The following TMEM245 variants were observed in gnomAD, a reference collection of about 807,000 sequenced individuals.
TMEM245 encodes transmembrane protein 245, also known as protein CG-2.
A neutral mutation model predicts 101.2 loss-of-function variants in TMEM245; 69 were observed. That is an observed-to-expected ratio of 0.68 (90% confidence interval 0.56 to 0.83). The LOEUF is 0.83. Among genes scored for constraint, TMEM245 ranks in the 40% least tolerant of loss-of-function variants. The pLI, the probability that TMEM245 is intolerant of heterozygous loss-of-function variation, is 0.00. For synonymous variants in TMEM245, 537 were observed against 449.8 expected, an observed-to-expected ratio of 1.19 and a Z score of -2.45; for missense variants, 1,075 against 1,092.8, an observed-to-expected ratio of 0.98 and a Z score of 0.23.
At chr9:109,067,573 G>A (rs1262144887) in intron 9 of TMEM245, among the ~76,000 whole-genome samples, 1 of 152,218 alleles carries the variant, frequency 6.6e-6, no homozygotes, top group Non-Finnish European at 1.5e-5. Flanking sequence ...GAAGGGATAA[G>A]TGCAACTGAG....
At chr9:109,025,699 G>T (rs1827772111) in intron 17 of TMEM245, among the ~76,000 whole-genome samples, 1 of 150,036 alleles carries the variant, frequency 6.7e-6, no homozygotes, top group South Asian at 2.1e-4. Flanking sequence ...TGATTATCCT[G>T]TCCAAAAATC....
Position 109,018,192 on chromosome 9 carries a change from A to C in TMEM245, c.*2268T>G, listed in dbSNP as rs368773555. On this transcript the variant is annotated 3_prime_UTR_variant, in exon 18 of 18. Coordinates refer to ENST00000374586, the MANE Select transcript of TMEM245 (RefSeq NM_032012.4). ...GTATATGTATAGTAACTCATTGTATATATTTGTCTCTTATGAATATGTGCT... is the reference window on the plus strand; with the variant it reads ...GTATATGTATAGTAACTCATTGTATCTATTTGTCTCTTATGAATATGTGCT... 6.6e-6 allele frequency: 1 copy of C among 152,246 alleles called. No individual in the cohort carries two copies. The highest frequency in any genetic ancestry group is 1.5e-5 in the Non-Finnish European group (1 of 68,046). The allele number at this position is 152,246 out of a possible 1,614,324, so 9.4% of individuals were successfully genotyped here.
rs116206826 is a variant in TMEM245 at position 109,086,294 on chromosome 9, T to C, written c.1321-274A>G. On this transcript the variant is annotated intron_variant, in intron 6 of 17. Transcript: ENST00000374586. ...ATACATAAAATAACCTGCATGCTCG[T>C]AGGCTTAGTGTCTCCATGCCTTTGC... is the stretch of plus-strand genomic sequence containing the variant. 5.6e-3 allele frequency among the ~76,000 whole-genome samples: 859 copies of C among 152,322 alleles called. 8 individuals carry two copies. The highest frequency in any genetic ancestry group is 0.019 in the African/African-American group (809 of 41,574).
rs1057100031 is a variant in TMEM245, at chr9:109,018,551, T to C, written c.*1909A>G. ...AGATCTGTATGCAGTCTACTCCATA[T>C]AGTCAAAAGATCTCATGGTAGCCTT... On this transcript the variant is annotated 3_prime_UTR_variant, in exon 18 of 18. Coordinates refer to ENST00000374586, the MANE Select transcript of TMEM245 (RefSeq NM_032012.4). The C allele has an allele frequency of 4.6e-5, 7 of 152,220 alleles. No individual in the cohort carries two copies. Among genetic ancestry groups the C allele is most frequent in the African/African-American group, 7.2e-5 (3 of 41,448 alleles). 9.4% of individuals were successfully genotyped at this position (152,220 alleles called of 1,614,324 possible).
At chr9:109,098,096 G>A (rs1317184875) in intron 3 of TMEM245, among the ~76,000 whole-genome samples, 1 of 152,164 alleles carries the variant, frequency 6.6e-6, no homozygotes, top group East Asian at 1.9e-4. Flanking sequence ...CTACTTTATA[G>A]TATAGCCATC....
intron 12 of TMEM245, among the ~76,000 whole-genome samples, chr9:109,051,988 T>C (rs985694188): frequency 3.3e-5 from 5 of 152,212 alleles, no homozygotes; most frequent in Non-Finnish European, 7.3e-5. Flanking sequence ...TATTGACGTC[T>C]ACTGAGTTCA....
intron 17 of TMEM245, among the ~76,000 whole-genome samples, chr9:109,025,206 C>T (rs140868398): frequency 1.4e-3 from 217 of 152,196 alleles, no homozygotes; most frequent in Non-Finnish European, 2.2e-3. Flanking sequence ...TCTGCAGAAG[C>T]GGGGATGGTT....
Position 109,050,561 on chromosome 9 carries a change from T to A in TMEM245, c.1977+9A>T, listed in dbSNP as rs779132338. ...GAAATATGACGTGTACTTATCTATGTGGACGTACCAGAGAGAGTACAAAAT... is the reference window on the plus strand; with the variant it reads ...GAAATATGACGTGTACTTATCTATGAGGACGTACCAGAGAGAGTACAAAAT... On this transcript the variant is annotated intron_variant, in intron 13 of 17. Transcript: ENST00000374586. The A allele has an allele frequency of 6.2e-7, 1 of 1,613,946 alleles. No homozygotes were observed.
At position 109,119,623 on chromosome 9, in the gene TMEM245, G is replaced by A. The variant is rs758831538; in HGVS notation, c.291C>T (p.Phe97=). The A allele has an allele frequency of 6.4e-7, 1 of 1,562,072 alleles. No homozygotes were observed. Among genetic ancestry groups the A allele is most frequent in the East Asian group, 2.4e-5 (1 of 42,056 alleles). ...GGCCCAGGCGCGTCAGCGAGCTCTT[G>A]AAGGGGTGCAGAAAAGTGCCGCATA... The part of the protein sequence containing the change: ...AVLCGTFLHP[F]KSSLTRLGRH... Residue 97 remains phenylalanine, a synonymous_variant, in exon 1 of 18, where the codon TTC becomes TTT. Transcript: ENST00000374586.
chr9:109,047,418 C>A (rs374854631), intron 14 of TMEM245, among the ~76,000 whole-genome samples: 1 of 152,148 alleles, frequency 6.6e-6, no homozygotes, highest in Non-Finnish European at 1.5e-5. Context: ...CTAAATGCCA[C>A]CCTCTTATGT....
At position 109,061,523 on chromosome 9, in the gene TMEM245, G is replaced by A. The variant is rs906085765; in HGVS notation, c.1624-1071C>T. Among the ~76,000 whole-genome samples the A allele has an allele frequency of 4.0e-5, 6 of 151,720 alleles. No individual in the cohort carries two copies. In the South Asian group the frequency reaches 6.2e-4, roughly 16 times the overall value. On this transcript the variant is annotated intron_variant, in intron 10 of 17. Coordinates refer to ENST00000374586, the MANE Select transcript of TMEM245 (RefSeq NM_032012.4). Reference sequence around the variant, plus strand: ...TAATACTTTTATATTAATTCATTACGTTCTGGTATTAGCTGATCATTACCC... The same window carrying A: ...TAATACTTTTATATTAATTCATTACATTCTGGTATTAGCTGATCATTACCC...
intron 3 of TMEM245, among the ~76,000 whole-genome samples, chr9:109,097,439 C>A (rs1830171197): frequency 6.6e-6 from 1 of 152,092 alleles, no homozygotes; most frequent in African/African-American, 2.4e-5. Flanking sequence ...GAGGAAGCAG[C>A]ACAATTCAGT....
rs1186285027 is a variant in TMEM245 at position 109,091,018 on chromosome 9, T to C, written c.1054A>G (p.Ser352Gly). ...ACTAGAGACACAAAGTAGATGTCAC[T>C]AGTTTTCTTCTTTCTAAGAAACGTT... is the stretch of plus-strand genomic sequence containing the variant. ...IGTFLRKKKTSDIYFVSLVWA... is the reference protein window; with the variant it reads ...IGTFLRKKKTGDIYFVSLVWA... Residue 352 changes from serine to glycine, a missense_variant, in exon 5 of 18, where the codon AGT becomes GGT. Ser to Gly is a moderately conservative substitution (Grantham distance 56). Around this residue, in one of 2 missense-constraint regions of TMEM245, gnomAD observed 808 missense variants for 741.5 expected, o/e 1.09. Transcript: ENST00000374586. 3 of 1,614,186 alleles carry C rather than the reference T, an allele frequency of 1.9e-6. No homozygotes were observed. The highest frequency in any genetic ancestry group is 2.2e-5 in the East Asian group (1 of 44,874).
At chr9:109,058,146 G>A (rs908502206) in intron 11 of TMEM245, among the ~76,000 whole-genome samples, 10 of 150,884 alleles carry the variant, frequency 6.6e-5, no homozygotes, top group African/African-American at 9.7e-5. Flanking sequence ...GACTACGGGC[G>A]CCTGCCACAA....
intron 3 of TMEM245, among the ~76,000 whole-genome samples, chr9:109,102,222 C>T (rs1047257164): frequency 4.6e-5 from 7 of 151,966 alleles, no homozygotes; most frequent in African/African-American, 1.4e-4. Context: ...GGAAGACAGG[C>T]TGAACAAAGA....
At chr9:109,046,175 G>A (rs1439191432) in intron 14 of TMEM245, 1 of 524,360 alleles carries the variant, frequency 1.9e-6, no homozygotes, top group Non-Finnish European at 4.0e-6. Context: ...CACTGGCACT[G>A]AAAAGCTGTA....
intron 17 of TMEM245, among the ~76,000 whole-genome samples, chr9:109,030,689 C>T (rs748100183): frequency 2.0e-5 from 3 of 152,150 alleles, no homozygotes; most frequent in Non-Finnish European, 2.9e-5. Flanking sequence ...TCACCACCAC[C>T]AAATTGGGAA....
intron 9 of TMEM245, among the ~76,000 whole-genome samples, chr9:109,066,862 C>A (rs1216095704): frequency 1.3e-5 from 2 of 151,920 alleles, no homozygotes; most frequent in Non-Finnish European, 2.9e-5. Context: ...TTGTGACCAG[C>A]CTGGCCAACA....
intron 6 of TMEM245, among the ~76,000 whole-genome samples, chr9:109,086,675 G>A (rs1430195590): frequency 6.6e-6 from 1 of 152,280 alleles, no homozygotes; most frequent in East Asian, 1.9e-4. Context: ...CATAGTCCAT[G>A]CTCTTTAACC....
Sources: gnomAD v4.1 joint callset for allele counts (sites outside exome capture counted in the v4.1 genomes callset) on GRCh38, gnomAD v4.1.1 for gene constraint, gnomAD v4.1.1 regional missense constraint, MANE v1.5 for transcripts, NCBI Gene and HGNC (gene_info 2026-07-23, HGNC 2026-07-21) for gene names.